The following SIX4 variants were observed in gnomAD, a reference collection of about 807,000 sequenced individuals.
SIX4 encodes homeobox protein SIX4.
In SIX4, 23 loss-of-function variants were observed where a neutral mutation model predicts 51.5. The ratio of observed to expected loss-of-function variants is 0.45; its 90% CI spans 0.32 to 0.63. The LOEUF is 0.63. Among genes scored for constraint, SIX4 ranks in the 30% least tolerant of loss-of-function variants. The pLI, the probability that SIX4 is intolerant of heterozygous loss-of-function variation, is 0.04. For synonymous variants in SIX4, 413 were observed against 417.3 expected (o/e 0.99, Z 0.13); for missense variants, 867 against 984.0 (o/e 0.88, Z 1.59).
rs1895817858 is a variant in SIX4 at position 60,711,369 on chromosome 14, T to C, written c.*2038A>G. On this transcript the variant is annotated 3_prime_UTR_variant, in exon 3 of 3. Transcript: ENST00000216513. ...GAGGAATTCTTCATAGGGTTCTTGATATATGCCTGCAAGTTCCATTTATGA... is the reference window on the plus strand; with the variant it reads ...GAGGAATTCTTCATAGGGTTCTTGACATATGCCTGCAAGTTCCATTTATGA... 6.6e-6 allele frequency: 1 copy of C among 152,188 alleles called. No individual in the cohort carries two copies. The allele number at this position is 152,188 out of a possible 1,614,324, so 9.4% of individuals were successfully genotyped here.
chr14:60,715,691 C>T (rs927338006), intron 2 of SIX4, among the ~76,000 whole-genome samples: 2 of 152,096 alleles, frequency 1.3e-5, no homozygotes, highest in Non-Finnish European at 2.9e-5. Flanking sequence ...ACAATGTACA[C>T]GAATTAGACC....
In SIX4 at chr14:60,714,213, AT is replaced by A; in HGVS notation, c.1550-11del. 1 of 1,557,954 alleles carries A rather than the reference AT, an allele frequency of 6.4e-7. No individual in the cohort carries two copies. On this transcript the variant is annotated splice_polypyrimidine_tract_variant and intron_variant, in intron 2 of 2. Coordinates refer to ENST00000216513, the MANE Select transcript of SIX4 (RefSeq NM_017420.5). ...CTTACTGAGATATTACCTAAAAAAAATAAAGTACTGATTATCACTGATGGAA... is the reference window on the plus strand; with the variant it reads ...CTTACTGAGATATTACCTAAAAAAAAAAAGTACTGATTATCACTGATGGAA...
chr14:60,720,887 T>G lies in SIX4; in HGVS notation c.864-442A>C. 2.3e-6 allele frequency: 2 copies of G among 860,362 alleles called. No homozygotes were observed. The highest frequency in any genetic ancestry group is 2.8e-6 in the Non-Finnish European group (2 of 714,228). 53.3% of individuals were successfully genotyped at this position (860,362 alleles called of 1,614,324 possible). The stretch of plus-strand genomic sequence containing the variant: ...AAACCAATTCAGATTAGTGTTATCT[T>G]GGAGGTAAATGAAGCTGCCAAAGGA... On this transcript the variant is annotated intron_variant, in intron 1 of 2. Coordinates refer to ENST00000216513, the MANE Select transcript of SIX4 (RefSeq NM_017420.5). This position sits in a 1 kb window ranked among gnomAD's most constrained non-coding sequence, Gnocchi z 5.5.
rs758001593 is a variant in SIX4 at position 60,720,430 on chromosome 14, G to A, written c.879C>T (p.Asn293=). The change falls in exon 2 of 3, where the codon AAC becomes AAT. Residue 293 remains asparagine (N), a synonymous_variant. Coordinates refer to ENST00000216513, the MANE Select transcript of SIX4 (RefSeq NM_017420.5). The surrounding 1 kb of genome is among the most constrained non-coding windows in gnomAD (Gnocchi z 5.5). ...ETQSKSESDG[N]PSTEDESSKG... is the part of the protein sequence containing the mutation. The stretch of plus-strand genomic sequence containing the variant: ...TGCTGGATTCATCTTCAGTGCTGGG[G>A]TTGCCATCTGACTCACTGTATGGAG... 6.2e-7 allele frequency: 1 copy of A among 1,613,160 alleles called. No individual in the cohort carries two copies. The highest frequency in any genetic ancestry group is 8.5e-7 in the Non-Finnish European group (1 of 1,179,556).
chr14:60,713,849 C>T lies in SIX4; in HGVS notation c.1904G>A (p.Arg635His), dbSNP rs972473681. 15 of 1,614,060 alleles carry T rather than the reference C, an allele frequency of 9.3e-6. No individual in the cohort carries two copies. Among genetic ancestry groups the T allele is most frequent in the South Asian group, 4.4e-5 (4 of 91,060 alleles). Residue 635 changes from arginine (R) to histidine (H), a missense_variant, in exon 3 of 3, where the codon CGC (arginine) becomes CAC (histidine). Arg to His is a conservative substitution (Grantham distance 29, BLOSUM62 0). Transcript: ENST00000216513. Reference protein sequence around the residue: ...STLLNPTELNRDIADSQPMSA... With the variant: ...STLLNPTELNHDIADSQPMSA... ...CATTGGTTGGCTATCGGCAATGTCGCGGTTTAGCTCAGTGGGATTTAGTAG... is the reference window on the plus strand; with the variant it reads ...CATTGGTTGGCTATCGGCAATGTCGTGGTTTAGCTCAGTGGGATTTAGTAG...
In SIX4 at chr14:60,717,044, G is replaced by T; in HGVS notation, c.1549+2716C>A. The T allele has an allele frequency of 3.5e-6, 1 of 288,112 alleles. No individual in the cohort carries two copies. Among genetic ancestry groups the T allele is most frequent in the Non-Finnish European group, 6.7e-6 (1 of 149,908 alleles). The allele number at this position is 288,112 out of a possible 1,614,324, so 17.8% of individuals were successfully genotyped here. ...TTTGAAAACACTGCCTTCAACTTAA[G>T]TATGCTTTAAAACTCTTATTTTTAT... On this transcript the variant is annotated intron_variant, in intron 2 of 2. Transcript: ENST00000216513. The surrounding 1 kb of genome is among the most constrained non-coding windows in gnomAD (Gnocchi z 4.6).
At chr14:60,723,149 AAAAG>A in intron 1 of SIX4, 59 bp downstream of exon 1, 1 of 1,469,082 alleles carries the variant, frequency 6.8e-7, no homozygotes, top group Non-Finnish European at 9.0e-7. Context: ...CACTTGGAGG[AAAAG>A]AAAGCCGGGA....
Position 60,724,240 on chromosome 14 carries a change from C to G in SIX4, c.-166G>C, listed in dbSNP as rs557023546. The G allele has an allele frequency of 1.9e-6, 3 of 1,540,092 alleles. No individual in the cohort carries two copies. Among genetic ancestry groups the G allele is most frequent in the Non-Finnish European group, 2.6e-6 (3 of 1,149,200 alleles). On this transcript the variant is annotated 5_prime_UTR_variant, in exon 1 of 3. Coordinates refer to ENST00000216513, the MANE Select transcript of SIX4 (RefSeq NM_017420.5). ...TGTATCTGGCCGATCAGGTTTCCCC[C>G]CGGCCACGCAGTCACCATTAAGATA...
At position 60,722,679 on chromosome 14, in the gene SIX4, C is replaced by T. The variant is rs931478954; in HGVS notation, c.863+533G>A. 2.0e-5 allele frequency among the ~76,000 whole-genome samples: 3 copies of T among 152,120 alleles called. No individual in the cohort carries two copies. The highest frequency in any genetic ancestry group is 7.2e-5 in the African/African-American group (3 of 41,438). On this transcript the variant is annotated intron_variant, in intron 1 of 2. Coordinates refer to ENST00000216513, the MANE Select transcript of SIX4 (RefSeq NM_017420.5). This position sits in a 1 kb window ranked among gnomAD's most constrained non-coding sequence, Gnocchi z 5.9. ...CAACACTCTCTTCCCTTCACCAGAGCAGCCACCGCGACCTCCAGCGCAGGC... is the reference window on the plus strand; with the variant it reads ...CAACACTCTCTTCCCTTCACCAGAGTAGCCACCGCGACCTCCAGCGCAGGC...
Position 60,720,724 on chromosome 14 carries a change from G to C in SIX4, c.864-279C>G, listed in dbSNP as rs572759857. On this transcript the variant is annotated intron_variant, in intron 1 of 2. Transcript: ENST00000216513. This position sits in a 1 kb window ranked among gnomAD's most constrained non-coding sequence, Gnocchi z 5.5. The stretch of plus-strand genomic sequence containing the variant: ...TGCAAGATGTAAATTCAGCATTACA[G>C]GAGAAGAACATATTTGATTTTACAG... Among the ~76,000 whole-genome samples the C allele has an allele frequency of 2.0e-5, 3 of 152,288 alleles. No homozygotes were observed. In the East Asian group the frequency reaches 5.8e-4, roughly 29 times the overall value.
Position 60,719,774 on chromosome 14 carries a change from A to G in SIX4, c.1535T>C (p.Val512Ala). 6.2e-7 allele frequency: 1 copy of G among 1,613,980 alleles called. No homozygotes were observed. Among genetic ancestry groups the G allele is most frequent in the Non-Finnish European group, 8.5e-7 (1 of 1,179,886 alleles). The change falls in exon 2 of 3, where the codon GTG (valine) becomes GCG (alanine). Residue 512 changes from valine (V) to alanine (A), a missense_variant. Physicochemically the swap from Val to Ala is moderately conservative, Grantham distance 64. Transcript: ENST00000216513. The surrounding 1 kb of genome is among the most constrained non-coding windows in gnomAD (Gnocchi z 4.9). ...FSPLQLPPVS[V>A]AASQGNISVS... ...GAGATTGTTACCTTGTGAAGCTGCC[A>G]CTGACACAGGGGGCAGCTGCAGTGG...
chr14:60,721,120 T>C lies in SIX4; in HGVS notation c.864-675A>G, dbSNP rs1896011647. 7.1e-6 allele frequency: 7 copies of C among 985,482 alleles called. No individual in the cohort carries two copies. The South Asian group carries it at 2.3e-4, about 33-fold the overall frequency. The allele number at this position is 985,482 out of a possible 1,614,324, so 61.0% of individuals were successfully genotyped here. A position where few individuals can be genotyped will look rare whatever the true frequency, so the allele number is the denominator to read the frequency against. On this transcript the variant is annotated intron_variant, in intron 1 of 2. Coordinates refer to ENST00000216513, the MANE Select transcript of SIX4 (RefSeq NM_017420.5). ...GAATCCAAAGGAAGCCAAAGGGGCC[T>C]ATTTAACAAACACCATCCAGTGCCC...
Position 60,724,101 on chromosome 14 carries a change from C to T in SIX4, c.-27G>A. 6.3e-7 allele frequency: 1 copy of T among 1,577,636 alleles called. No homozygotes were observed. ...TTTTGTTGTTTATTTTCCTCCCTCC[C>T]TCACTCCCTCGCACTCTTTTCCTCT... On this transcript the variant is annotated 5_prime_UTR_variant, in exon 1 of 3. Coordinates refer to ENST00000216513, the MANE Select transcript of SIX4 (RefSeq NM_017420.5).
chr14:60,716,539 C>A (rs571992380), intron 2 of SIX4, among the ~76,000 whole-genome samples: 1 of 152,208 alleles, frequency 6.6e-6, no homozygotes, highest in South Asian at 2.1e-4. Flanking sequence ...GCATGAGCCA[C>A]CGCGCCTGGC....
intron 2 of SIX4, among the ~76,000 whole-genome samples, chr14:60,716,543 G>A (rs892173484): frequency 1.3e-5 from 2 of 151,902 alleles, no homozygotes; most frequent in Non-Finnish European, 2.9e-5. Context: ...GAGCCACCGC[G>A]CCTGGCCAAT....
intron 1 of SIX4, among the ~76,000 whole-genome samples, chr14:60,721,996 C>G (rs1436500698): frequency 6.6e-6 from 1 of 152,234 alleles, no homozygotes; most frequent in South Asian, 2.1e-4. Flanking sequence ...GTCGGACCCC[C>G]ACAGGGGCCC....
At position 60,722,899 on chromosome 14, in the gene SIX4, G is replaced by A. The variant is rs1442629094; in HGVS notation, c.863+313C>T. Among the ~76,000 whole-genome samples, 4 of 143,582 alleles carry A rather than the reference G, an allele frequency of 2.8e-5. No individual in the cohort carries two copies. Among genetic ancestry groups the A allele is most frequent in the African/African-American group, 1.0e-4 (4 of 39,344 alleles). The allele number at this position is 143,582 out of a possible 152,430, so 94.2% of individuals were successfully genotyped here. ...ACGGGGAGAGGGTGGCAACTTCAAAGCCAGCGGGATGGGGGTGGGAAGCTG... is the reference window on the plus strand; with the variant it reads ...ACGGGGAGAGGGTGGCAACTTCAAAACCAGCGGGATGGGGGTGGGAAGCTG... On this transcript the variant is annotated intron_variant, in intron 1 of 2. Coordinates refer to ENST00000216513, the MANE Select transcript of SIX4 (RefSeq NM_017420.5). The surrounding 1 kb of genome is among the most constrained non-coding windows in gnomAD (Gnocchi z 5.9).
At position 60,723,650 on chromosome 14, in the gene SIX4, A is replaced by G; in HGVS notation, c.425T>C (p.Leu142Pro). The change falls in exon 1 of 3, where the codon CTA (leucine) becomes CCA (proline). Residue 142 changes from leucine to proline, a missense_variant. By Grantham distance (98) the Leu-to-Pro change is moderately conservative. Coordinates refer to ENST00000216513, the MANE Select transcript of SIX4 (RefSeq NM_017420.5). ...CTTCAGCAGGCTCTCGTTGCCACGT[A>G]GCAGGTCGCTCTGGGGCAGGGACCA... The part of the protein sequence containing the change: ...FLWSLPQSDL[L>P]RGNESLLKAR... 1.3e-6 allele frequency: 2 copies of G among 1,595,576 alleles called. No homozygotes were observed. The highest frequency in any genetic ancestry group is 1.7e-6 in the Non-Finnish European group (2 of 1,172,096).
Position 60,712,716 on chromosome 14 carries a change from T to G in SIX4, c.*691A>C, listed in dbSNP as rs7146756. On this transcript the variant is annotated 3_prime_UTR_variant, in exon 3 of 3. Coordinates refer to ENST00000216513, the MANE Select transcript of SIX4 (RefSeq NM_017420.5). ...TAGCGCCTGAAGAGAAACATATACA[T>G]TAAAAATAAAATTCACTGTAATTAC... is the stretch of plus-strand genomic sequence containing the variant. The G allele has an allele frequency of 0.69, 105,052 of 151,858 alleles. 36,540 individuals carry two copies. The highest frequency in any genetic ancestry group is 0.74 in the Admixed American group (11,252 of 15,240). 9.4% of individuals were successfully genotyped at this position (151,858 alleles called of 1,614,324 possible). A position where few individuals can be genotyped will look rare whatever the true frequency, so the allele number is the denominator to read the frequency against.
Sources: gnomAD v4.1 joint callset for allele counts (sites outside exome capture counted in the v4.1 genomes callset) on GRCh38, gnomAD v4.1.1 for gene constraint, Gnocchi (gnomAD v3.1) non-coding constraint, MANE v1.5 for transcripts, NCBI Gene and HGNC (gene_info 2026-07-23, HGNC 2026-07-21) for gene names.